The following CHRM3 variants were observed in gnomAD, a reference collection of about 807,000 sequenced individuals.
CHRM3 encodes cholinergic receptor muscarinic 3.
CHRM3 carries 11 observed loss-of-function variants against 41.8 expected under a neutral mutation model. That is an observed-to-expected ratio of 0.26 (90% CI 0.17 to 0.44). CHRM3 has a LOEUF of 0.44. CHRM3 is among the 20% of genes least tolerant of loss of function. CHRM3 has a pLI of 1.00. For missense variants in CHRM3, 571 were observed against 745.4 expected, an observed-to-expected ratio of 0.77 and a Z score of 2.72; for synonymous variants, 297 against 301.4, an observed-to-expected ratio of 0.99 and a Z score of 0.15.
Position 239,724,977 on chromosome 1 carries a change from T to G in CHRM3, c.-147+46689T>G, listed in dbSNP as rs1663301788. On this transcript the variant is annotated intron_variant, in intron 5 of 6. Transcript: ENST00000676153. ...CAGCCCAGTTACTTATTGTTATATTTAATCTTGTTACTATTCCCCTCTGCT... is the reference window on the plus strand; with the variant it reads ...CAGCCCAGTTACTTATTGTTATATTGAATCTTGTTACTATTCCCCTCTGCT... 2.0e-5 allele frequency among the ~76,000 whole-genome samples: 3 copies of G among 151,880 alleles called. No homozygotes were observed. In the South Asian group the frequency reaches 6.2e-4, roughly 31 times the overall value.
chr1:239,441,648 G>A (rs1270278590), intron 1 of CHRM3, among the ~76,000 whole-genome samples: 1 of 152,208 alleles, frequency 6.6e-6, no homozygotes, highest in Non-Finnish European at 1.5e-5. Flanking sequence ...CAATGTAAAT[G>A]TTAACTCATT....
intron 6 of CHRM3, among the ~76,000 whole-genome samples, chr1:239,865,877 G>C (rs1472983045): frequency 6.6e-6 from 1 of 152,168 alleles, no homozygotes; most frequent in African/African-American, 2.4e-5. Flanking sequence ...GGTTGTCCTT[G>C]CAGCCTCTGT....
chr1:239,528,738 C>CTT (rs1296568787), intron 2 of CHRM3, among the ~76,000 whole-genome samples: 3 of 152,048 alleles, frequency 2.0e-5, no homozygotes, highest in African/African-American at 7.2e-5. Context: ...ACTAAAAATA[C>CTT]ATAAGTTAGC....
intron 3 of CHRM3, among the ~76,000 whole-genome samples, chr1:239,585,830 G>A (rs1440570446): frequency 6.6e-6 from 1 of 152,186 alleles, no homozygotes; most frequent in Non-Finnish European, 1.5e-5. Flanking sequence ...AGCATGCAGT[G>A]AGAAAGAAAA....
chr1:239,877,730 T>G (rs1053483379), intron 6 of CHRM3, among the ~76,000 whole-genome samples: 2 of 136,806 alleles, frequency 1.5e-5, no homozygotes, highest in African/African-American at 6.7e-5. Flanking sequence ...AATATTCAGA[T>G]TTTTTTTTTC....
At chr1:239,466,701 C>A (rs1028902548) in intron 1 of CHRM3, among the ~76,000 whole-genome samples, 6 of 151,828 alleles carry the variant, frequency 4.0e-5, no homozygotes. Flanking sequence ...GGGCCTCTAG[C>A]AATCCTCCTG....
rs1438414921 is a variant in CHRM3, at chr1:239,911,901, T to G, written c.*2677T>G. ...AATAATTTAAAAGCATAATTGAAGA[T>G]GTAGTGAGTATTTATAATTGGACCT... On this transcript the variant is annotated 3_prime_UTR_variant, in exon 7 of 7. Coordinates refer to ENST00000676153, the MANE Select transcript of CHRM3 (RefSeq NM_001375978.1). 1 of 167,076 alleles carries G rather than the reference T, an allele frequency of 6.0e-6. No homozygotes were observed. The highest frequency in any genetic ancestry group is 1.5e-5 in the Non-Finnish European group (1 of 68,116). The allele number at this position is 167,076 out of a possible 1,614,324, so 10.3% of individuals were successfully genotyped here. A position where few individuals can be genotyped will look rare whatever the true frequency, so the allele number is the denominator to read the frequency against.
intron 4 of CHRM3, among the ~76,000 whole-genome samples, chr1:239,644,035 T>C (rs974705274): frequency 6.6e-6 from 1 of 152,228 alleles, no homozygotes; most frequent in Non-Finnish European, 1.5e-5. Context: ...TGTTTAAAGA[T>C]TCTAACAGCT....
intron 5 of CHRM3, among the ~76,000 whole-genome samples, chr1:239,764,557 C>T (rs1001664244): frequency 5.9e-5 from 9 of 152,080 alleles, no homozygotes; most frequent in African/African-American, 2.2e-4. Flanking sequence ...TTGAGGAAAC[C>T]CAAAGAGGTT....
intron 3 of CHRM3, among the ~76,000 whole-genome samples, chr1:239,585,375 A>G (rs1165260584): frequency 2.0e-5 from 3 of 152,164 alleles, no homozygotes; most frequent in African/African-American, 7.2e-5. Context: ...GTTGGTAGGC[A>G]AAGATTTTGA....
chr1:239,711,244 G>A (rs1661752078), intron 5 of CHRM3, among the ~76,000 whole-genome samples: 1 of 152,060 alleles, frequency 6.6e-6, no homozygotes, highest in Admixed American at 6.6e-5. Flanking sequence ...ACAAATTGGA[G>A]TTTTCTTGCT....
At chr1:239,631,928 C>T (rs1481178019) in intron 3 of CHRM3, among the ~76,000 whole-genome samples, 3 of 152,176 alleles carry the variant, frequency 2.0e-5, no homozygotes, top group Non-Finnish European at 4.4e-5. Flanking sequence ...CACTCTATCT[C>T]CCTTCCTTGC....
chr1:239,840,661 G>A (rs1429041535), intron 6 of CHRM3, among the ~76,000 whole-genome samples: 1 of 152,056 alleles, frequency 6.6e-6, no homozygotes, highest in Admixed American at 6.6e-5. Context: ...AAGAGAAAAT[G>A]CTTTAAAGAT....
At chr1:239,459,789 A>G (rs1665219142) in intron 1 of CHRM3, among the ~76,000 whole-genome samples, 1 of 152,182 alleles carries the variant, frequency 6.6e-6, no homozygotes, top group Non-Finnish European at 1.5e-5. Flanking sequence ...CATTTTCTCC[A>G]AACGATTCTT....
At chr1:239,778,990 C>A (rs1333545068) in intron 5 of CHRM3, among the ~76,000 whole-genome samples, 1 of 152,126 alleles carries the variant, frequency 6.6e-6, no homozygotes, top group Non-Finnish European at 1.5e-5. Flanking sequence ...CAATATTTTC[C>A]TGCCACTTGT....
At chr1:239,596,711 T>C (rs890337221) in intron 3 of CHRM3, among the ~76,000 whole-genome samples, 1 of 152,218 alleles carries the variant, frequency 6.6e-6, no homozygotes, top group African/African-American at 2.4e-5. Flanking sequence ...TATATTTCAG[T>C]GTCTAGAATG....
At chr1:239,435,063 A>C (rs1382996639) in intron 1 of CHRM3, among the ~76,000 whole-genome samples, 1 of 152,106 alleles carries the variant, frequency 6.6e-6, no homozygotes, top group African/African-American at 2.4e-5. Flanking sequence ...GTTTAGTAAA[A>C]TGTAGCAGTA....
At chr1:239,844,898 A>T (rs1050247913) in intron 6 of CHRM3, among the ~76,000 whole-genome samples, 1 of 152,208 alleles carries the variant, frequency 6.6e-6, no homozygotes, top group African/African-American at 2.4e-5. Context: ...AGAGGGGTGG[A>T]GGAGAAGACG....
intron 1 of CHRM3, among the ~76,000 whole-genome samples, chr1:239,436,718 A>C (rs1663300870): frequency 6.6e-6 from 1 of 152,074 alleles, no homozygotes; most frequent in South Asian, 2.1e-4. Context: ...CAAATGCATT[A>C]GATTCCAAGA....
Sources: gnomAD v4.1 joint callset for allele counts (sites outside exome capture counted in the v4.1 genomes callset) on GRCh38, gnomAD v4.1.1 for gene constraint, MANE v1.5 for transcripts, NCBI Gene and HGNC (gene_info 2026-07-23, HGNC 2026-07-21) for gene names.